Variants in PPARGC1A observed in about 807,000 individuals in gnomAD.
PPARGC1A encodes the protein peroxisome proliferator-activated receptor gamma coactivator 1-alpha.
PPARGC1A carries 25 observed loss-of-function variants against 88.7 expected under a neutral mutation model. That is an observed-to-expected ratio of 0.28 (90% CI 0.21 to 0.39). PPARGC1A has a LOEUF of 0.39. Ranked by LOEUF, PPARGC1A falls within the 10% of genes least tolerant of loss-of-function variation. The pLI is 1.00. For missense variants in PPARGC1A, 880 were observed against 968.7 expected, an observed-to-expected ratio of 0.91 and a Z score of 1.22; for synonymous variants, 363 against 355.6, an observed-to-expected ratio of 1.02 and a Z score of -0.24.
the PPARGC1A span, among the ~76,000 whole-genome samples, chr4:24,119,319 A>T: frequency 6.6e-6 from 1 of 152,312 alleles, no homozygotes. Context: ...TCCTGTCACC[A>T]GAAGCACATT....
the PPARGC1A span, among the ~76,000 whole-genome samples, chr4:24,252,841 A>C: frequency 3.9e-5 from 6 of 152,384 alleles, no homozygotes; most frequent in African/African-American, 1.4e-4. Flanking sequence ...TCAGATTATC[A>C]GAAATTTTTT....
chr4:23,960,203 T>C, the PPARGC1A span, among the ~76,000 whole-genome samples: 85 of 152,252 alleles, frequency 5.6e-4, no homozygotes, highest in Admixed American at 9.8e-4. Flanking sequence ...GGAATGTCTC[T>C]AGATCAGTAA....
chr4:24,338,903 C>A, the PPARGC1A span, among the ~76,000 whole-genome samples: 1 of 152,022 alleles, frequency 6.6e-6, no homozygotes, highest in African/African-American at 2.4e-5. Context: ...TTTTAAAAAT[C>A]TTTATTATTG....
the PPARGC1A span, among the ~76,000 whole-genome samples, chr4:24,335,096 T>C: frequency 5.0e-4 from 76 of 152,292 alleles, no homozygotes; most frequent in African/African-American, 1.8e-3. Context: ...GAGGAAATAA[T>C]GGGAGTTGTC....
chr4:23,914,848 G>A, the PPARGC1A span, among the ~76,000 whole-genome samples: 2 of 152,152 alleles, frequency 1.3e-5, no homozygotes, highest in Non-Finnish European at 2.9e-5. Context: ...CTAAGAGTGG[G>A]CACACAGCAA....
At chr4:24,090,265 G>T in the PPARGC1A span, among the ~76,000 whole-genome samples, 327 of 152,308 alleles carry the variant, frequency 2.1e-3, 2 homozygotes, top group African/African-American at 7.1e-3. Context: ...AAAGTAGCAT[G>T]CAGAGATTTA....
chr4:24,323,866 A>C, the PPARGC1A span, among the ~76,000 whole-genome samples: 1 of 152,214 alleles, frequency 6.6e-6, no homozygotes, highest in Admixed American at 6.5e-5. Flanking sequence ...CAAATCCGGT[A>C]AGCGGCCTCT....
the PPARGC1A span, among the ~76,000 whole-genome samples, chr4:24,414,507 C>T: frequency 2.0e-5 from 3 of 152,150 alleles, no homozygotes. Flanking sequence ...TGAACAGCCC[C>T]ATTTAGATGA....
rs781331386 is a variant in PPARGC1A at position 23,814,276 on chromosome 4, C to G, written c.1207G>C (p.Glu403Gln). ...TCTAGTTGTCTAGAGTCTTGGAGCT[C>G]CTGTGATATATTAATGAGTATTTCT... The part of the protein sequence containing the change: ...KTEILINISQ[E>Q]LQDSRQLENK... The change falls in exon 8 of 13, where the codon GAG becomes CAG. Residue 403 changes from glutamate to glutamine, a missense_variant. Physicochemically the swap from Glu to Gln is conservative, Grantham distance 29. Transcript: ENST00000264867. 6.2e-7 allele frequency: 1 copy of G among 1,613,992 alleles called. No homozygotes were observed. Among genetic ancestry groups the G allele is most frequent in the Admixed American group, 1.7e-5 (1 of 60,002 alleles).
chr4:24,431,643 T>C, the PPARGC1A span, among the ~76,000 whole-genome samples: 1 of 152,196 alleles, frequency 6.6e-6, no homozygotes, highest in Non-Finnish European at 1.5e-5. Context: ...TAGTGGCAAG[T>C]GGCAGAAGGT....
At chr4:23,974,779 C>T in the PPARGC1A span, among the ~76,000 whole-genome samples, 1 of 143,726 alleles carries the variant, frequency 7.0e-6, no homozygotes, top group Non-Finnish European at 1.5e-5. Flanking sequence ...ACTACAGGAA[C>T]CAGCCACCAG....
chr4:24,319,568 C>A, the PPARGC1A span, among the ~76,000 whole-genome samples: 546 of 152,264 alleles, frequency 3.6e-3, 2 homozygotes, highest in African/African-American at 0.013. Flanking sequence ...AGGAAAAAAA[C>A]AATAAATGGG....
chr4:24,025,755 G>A, the PPARGC1A span, among the ~76,000 whole-genome samples: 9 of 152,102 alleles, frequency 5.9e-5, no homozygotes, highest in Middle Eastern at 3.2e-3. Flanking sequence ...ATAAATACAC[G>A]TAATGTTCAG....
the PPARGC1A span, among the ~76,000 whole-genome samples, chr4:24,224,202 T>C: frequency 6.6e-6 from 1 of 152,124 alleles, no homozygotes; most frequent in Non-Finnish European, 1.5e-5. Context: ...AGATAGATTA[T>C]GGAACCCATG....
At chr4:24,331,488 G>C in the PPARGC1A span, among the ~76,000 whole-genome samples, 3 of 152,284 alleles carry the variant, frequency 2.0e-5, no homozygotes, top group East Asian at 5.8e-4. Flanking sequence ...ACAAGTTCCA[G>C]AAGGACAGAA....
chr4:24,290,954 T>C, the PPARGC1A span, among the ~76,000 whole-genome samples: 2 of 152,178 alleles, frequency 1.3e-5, no homozygotes. Flanking sequence ...TTCCCTGATA[T>C]CTAACAGAAA....
At chr4:24,399,616 A>C in the PPARGC1A span, among the ~76,000 whole-genome samples, 1 of 152,190 alleles carries the variant, frequency 6.6e-6, no homozygotes. Context: ...ATGTGGGATA[A>C]CATCCAGGGG....
chr4:24,412,478 T>C, the PPARGC1A span, among the ~76,000 whole-genome samples: 1 of 152,186 alleles, frequency 6.6e-6, no homozygotes, highest in Non-Finnish European at 1.5e-5. Context: ...TAAAATTTTT[T>C]TGTTGTTTTG....
At chr4:24,009,165 A>T in the PPARGC1A span, among the ~76,000 whole-genome samples, 1 of 140,680 alleles carries the variant, frequency 7.1e-6, no homozygotes, top group South Asian at 2.3e-4. Flanking sequence ...AGAGAAGGCA[A>T]AACATTCCTG....
Sources: allele counts gnomAD v4.1 joint callset (sites outside exome capture counted in the v4.1 genomes callset), GRCh38; gene constraint gnomAD v4.1.1; transcripts MANE v1.5; gene names NCBI Gene and HGNC (gene_info 2026-07-23, HGNC 2026-07-21).